The following NR3C2 variants were observed in gnomAD, a reference collection of about 807,000 sequenced individuals.
NR3C2 encodes mineralocorticoid receptor.
A neutral mutation model predicts 86.4 loss-of-function variants in NR3C2; 15 were observed. The ratio of observed to expected loss-of-function variants is 0.17; its 90% CI spans 0.12 to 0.27. The LOEUF (loss-of-function observed/expected upper bound fraction) is 0.27. Among genes scored for constraint, NR3C2 ranks in the 10% least tolerant of loss-of-function variants. The pLI is 1.00. For synonymous variants in NR3C2, 458 were observed against 450.5 expected (o/e 1.02, Z -0.21); for missense variants, 960 against 1,195.6 (o/e 0.80, Z 2.91).
At chr4:148,165,060 G>A (rs1418429698) in intron 4 of NR3C2, among the ~76,000 whole-genome samples, 2 of 152,186 alleles carry the variant, frequency 1.3e-5, no homozygotes, top group Admixed American at 1.3e-4. Flanking sequence ...ACAGATAGAT[G>A]AGGGGAACAG....
At chr4:148,293,663 T>G in intron 2 of NR3C2, among the ~76,000 whole-genome samples, 1 of 152,200 alleles carries the variant, frequency 6.6e-6, no homozygotes, top group East Asian at 1.9e-4. Context: ...CATAAATCAT[T>G]TAGGGTCTGG....
chr4:148,157,429 T>C (rs1467271478), intron 4 of NR3C2, among the ~76,000 whole-genome samples: 1 of 152,146 alleles, frequency 6.6e-6, no homozygotes, highest in Admixed American at 6.6e-5. Context: ...ATGATTCTCA[T>C]CGTAGAATAA....
intron 8 of NR3C2, among the ~76,000 whole-genome samples, chr4:148,101,017 CAT>C (rs10542552): frequency 0.26 from 39,274 of 151,954 alleles, 5,783 homozygotes; most frequent in African/African-American, 0.4. Context: ...TAGTCAAATT[CAT>C]AGAGACAGAA....
At chr4:148,308,904 G>A (rs1439838418) in intron 2 of NR3C2, among the ~76,000 whole-genome samples, 1 of 152,072 alleles carries the variant, frequency 6.6e-6, no homozygotes, top group East Asian at 1.9e-4. Context: ...GATCACTTGA[G>A]CCTGAAAGGT....
rs1044787754 is a variant in NR3C2, at chr4:148,389,505, A to G, written c.1757+45599T>C. 3.3e-5 allele frequency among the ~76,000 whole-genome samples: 5 copies of G among 152,280 alleles called. No individual in the cohort carries two copies. The East Asian group carries it at 5.8e-4, about 18-fold the overall frequency. On this transcript the variant is annotated intron_variant, in intron 2 of 8. Coordinates refer to ENST00000358102, the MANE Select transcript of NR3C2 (RefSeq NM_000901.5). ...AACATACTGAGTTTTTTGTACTTTT[A>G]GAAGTCTTCTTGTCCTTTGCTCGTT...
intron 2 of NR3C2, among the ~76,000 whole-genome samples, chr4:148,365,874 G>C (rs1746088928): frequency 6.6e-6 from 1 of 152,062 alleles, no homozygotes; most frequent in African/African-American, 2.4e-5. Flanking sequence ...GGAAATTCCA[G>C]GCACTGACCC....
chr4:148,363,791 C>T (rs188083908), intron 2 of NR3C2, among the ~76,000 whole-genome samples: 58 of 152,258 alleles, frequency 3.8e-4, no homozygotes, highest in Admixed American at 1.2e-3. Context: ...GCGTGAGCCA[C>T]CGCGCCCAGC....
At chr4:148,398,475 T>C (rs1747973330) in intron 2 of NR3C2, among the ~76,000 whole-genome samples, 1 of 152,200 alleles carries the variant, frequency 6.6e-6, no homozygotes, top group South Asian at 2.1e-4. Flanking sequence ...GTAATTTTAT[T>C]TGTAGTATGT....
chr4:148,126,393 G>A (rs995572034), intron 6 of NR3C2, among the ~76,000 whole-genome samples: 2 of 152,174 alleles, frequency 1.3e-5, no homozygotes, highest in Admixed American at 1.3e-4. Flanking sequence ...AACCAAGAAG[G>A]AGTCAAGTCT....
At chr4:148,276,141 T>G (rs1021096974) in intron 2 of NR3C2, among the ~76,000 whole-genome samples, 3 of 152,170 alleles carry the variant, frequency 2.0e-5, no homozygotes, top group Non-Finnish European at 4.4e-5. Flanking sequence ...ATTGTGAACC[T>G]TTTATGAGAG....
chr4:148,081,119 G>A lies in NR3C2; in HGVS notation c.*225C>T, dbSNP rs750442230. On this transcript the variant is annotated 3_prime_UTR_variant, in exon 9 of 9. Transcript: ENST00000358102. ...GAGGAACAGGAACATGTTTCTAAGC[G>A]CTGGGGGATTGGAGGTGGGGAATCC... The A allele has an allele frequency of 8.6e-6, 5 of 579,222 alleles. No individual in the cohort carries two copies. The highest frequency in any genetic ancestry group is 2.0e-5 in the South Asian group (1 of 50,388). The allele number at this position is 579,222 out of a possible 1,614,324, so 35.9% of individuals were successfully genotyped here. A position where few individuals can be genotyped will look rare whatever the true frequency, so the allele number is the denominator to read the frequency against.
chr4:148,219,748 G>A (rs911416105), intron 3 of NR3C2, among the ~76,000 whole-genome samples: 3 of 151,896 alleles, frequency 2.0e-5, no homozygotes, highest in Non-Finnish European at 2.9e-5. Flanking sequence ...ATAAAACAAC[G>A]GCATTTTCTC....
intron 7 of NR3C2, 76 bp downstream of exon 7, chr4:148,120,082 C>T: frequency 6.3e-7 from 1 of 1,588,508 alleles, no homozygotes; most frequent in Non-Finnish European, 8.6e-7. Context: ...TACCTGAATA[C>T]AATAAATAGC....
chr4:148,236,995 G>T (rs909170921), intron 3 of NR3C2, among the ~76,000 whole-genome samples: 10 of 152,080 alleles, frequency 6.6e-5, no homozygotes, highest in Non-Finnish European at 1.0e-4. Context: ...GAAGCCAAAG[G>T]ATTCTCTTTT....
intron 2 of NR3C2, among the ~76,000 whole-genome samples, chr4:148,364,362 A>T (rs920169554): frequency 1.6e-4 from 25 of 152,176 alleles, no homozygotes; most frequent in African/African-American, 6.0e-4. Context: ...ACAGAATTGG[A>T]GATTACAGGA....
intron 1 of NR3C2, among the ~76,000 whole-genome samples, chr4:148,440,082 T>A (rs1037703517): frequency 1.3e-5 from 2 of 152,268 alleles, no homozygotes; most frequent in Non-Finnish European, 2.9e-5. Context: ...GGTATTCTCA[T>A]CTACCAACCT....
At chr4:148,343,076 A>T (rs182076793) in intron 2 of NR3C2, among the ~76,000 whole-genome samples, 16 of 152,312 alleles carry the variant, frequency 1.1e-4, no homozygotes, top group Admixed American at 9.8e-4. Flanking sequence ...ACTCCACAAT[A>T]ATTATTAAAT....
intron 6 of NR3C2, among the ~76,000 whole-genome samples, chr4:148,138,822 G>A (rs368663006): frequency 2.1e-3 from 321 of 152,302 alleles, no homozygotes; most frequent in Non-Finnish European, 3.5e-3. Context: ...CCTAATAACC[G>A]GTGACTAGGT....
At chr4:148,170,153 T>C (rs1284812956) in intron 4 of NR3C2, among the ~76,000 whole-genome samples, 2 of 152,162 alleles carry the variant, frequency 1.3e-5, no homozygotes, top group Admixed American at 6.5e-5. Context: ...ACCCAAAAGA[T>C]GCCAGTAGCA....
Sources: allele counts gnomAD v4.1 joint callset (sites outside exome capture counted in the v4.1 genomes callset), GRCh38; gene constraint gnomAD v4.1.1; transcripts MANE v1.5; gene names NCBI Gene and HGNC (gene_info 2026-07-23, HGNC 2026-07-21).